Variants in HSD11B1 observed in about 807,000 individuals in gnomAD.
The protein encoded by HSD11B1 is 11-beta-hydroxysteroid dehydrogenase 1.
A neutral mutation model predicts 22.1 loss-of-function variants in HSD11B1; 15 were observed. That is an observed-to-expected ratio of 0.68 (90% confidence interval 0.45 to 1.04). The LOEUF is 1.04. Among genes scored for constraint, HSD11B1 ranks in the 50% least tolerant of loss-of-function variants. The pLI is 0.00. For missense variants in HSD11B1, 281 were observed against 357.6 expected (o/e 0.79, Z 1.73); for synonymous variants, 122 against 125.2 (o/e 0.97, Z 0.17).
At chr1:209,707,241 T>C in intron 4 of HSD11B1, 113 bp downstream of exon 4, 6 of 912,418 alleles carry the variant, frequency 6.6e-6, no homozygotes, top group Non-Finnish European at 1.1e-5. Context: ...AGAGAAGTAA[T>C]GAGGGATTGG....
chr1:209,717,527 G>C (rs2076937366), intron 4 of HSD11B1, among the ~76,000 whole-genome samples: 2 of 152,144 alleles, frequency 1.3e-5, no homozygotes, highest in Non-Finnish European at 2.9e-5. Context: ...ACTATCATAT[G>C]ATCCAGCAAT....
intron 1 of HSD11B1, among the ~76,000 whole-genome samples, chr1:209,697,884 C>CTTTTTTTTCTTTTTTTT (rs2076800645): frequency 2.4e-5 from 1 of 41,586 alleles, no homozygotes; most frequent in Non-Finnish European, 4.5e-5. Flanking sequence ...TTGTTTTTTC[C>CTTTTTTTTCTTTTTTTT]TTTTTTTTTT....
intron 5 of HSD11B1, 76 bp from the exon 6 acceptor site, chr1:209,734,228 G>C (rs2077053144): frequency 1.7e-6 from 2 of 1,145,506 alleles, no homozygotes; most frequent in Non-Finnish European, 2.6e-6. Flanking sequence ...ACAGCTAAGT[G>C]GTTGATGTCT....
rs534170161 is a variant in HSD11B1 at position 209,710,201 on chromosome 1, A to T, written c.517+3073A>T. ...AAACATCTGGAAAAAAGTTTATCTGACATTAGTCAAAATAGGTCATCTTAG... is the reference window on the plus strand; with the variant it reads ...AAACATCTGGAAAAAAGTTTATCTGTCATTAGTCAAAATAGGTCATCTTAG... On this transcript the variant is annotated intron_variant, in intron 4 of 5. Coordinates refer to ENST00000367027, the MANE Select transcript of HSD11B1 (RefSeq NM_005525.4). 2.6e-5 allele frequency among the ~76,000 whole-genome samples: 4 copies of T among 152,350 alleles called. No individual in the cohort carries two copies. The South Asian group carries it at 8.3e-4, about 32-fold the overall frequency.
intron 1 of HSD11B1, among the ~76,000 whole-genome samples, chr1:209,690,112 T>C (rs545048539): frequency 1.7e-3 from 257 of 152,084 alleles, no homozygotes; most frequent in African/African-American, 5.9e-3. Context: ...ACCCAGGAGT[T>C]CAAGACCAGC....
upstream of HSD11B1, among the ~76,000 whole-genome samples, chr1:209,700,584 C>T (rs1175226690): frequency 6.6e-6 from 1 of 152,210 alleles, no homozygotes; most frequent in Non-Finnish European, 1.5e-5. Flanking sequence ...ACATTTTCCT[C>T]ATGGTTTTGG....
At chr1:209,734,187 C>A in intron 5 of HSD11B1, 117 bp from the exon 6 acceptor site, 1 of 766,682 alleles carries the variant, frequency 1.3e-6, no homozygotes, top group Non-Finnish European at 2.2e-6. Flanking sequence ...GCCTGTGAGG[C>A]TTGCAGAGCA....
intron 4 of HSD11B1, among the ~76,000 whole-genome samples, chr1:209,709,937 AACACACACAC>A (rs71143893): frequency 0.18 from 25,668 of 143,802 alleles, 2,151 homozygotes; most frequent in East Asian, 0.22. Context: ...CCACATGTGA[AACACACACAC>A]ACACACACAC....
chr1:209,710,041 G>T (rs1166626401), intron 4 of HSD11B1, among the ~76,000 whole-genome samples: 1 of 152,016 alleles, frequency 6.6e-6, no homozygotes, highest in Non-Finnish European at 1.5e-5. Context: ...CCGGCAGTGC[G>T]TGCAGGGGAC....
intron 4 of HSD11B1, among the ~76,000 whole-genome samples, chr1:209,731,023 T>C (rs1571888433): frequency 1.3e-5 from 2 of 152,210 alleles, no homozygotes; most frequent in African/African-American, 2.4e-5. Context: ...ATCAGTGCCA[T>C]ATCTGGGATA....
chr1:209,730,693 ATT>A (rs1052649052), intron 4 of HSD11B1, among the ~76,000 whole-genome samples: 2 of 152,306 alleles, frequency 1.3e-5, no homozygotes, highest in African/African-American at 4.8e-5. Context: ...CAAAGAGTTA[ATT>A]TTTTCCAATA....
intron 5 of HSD11B1, among the ~76,000 whole-genome samples, chr1:209,733,736 TAGAG>T (rs1365201517): frequency 2.0e-5 from 3 of 150,952 alleles, no homozygotes; most frequent in Non-Finnish European, 4.4e-5. Flanking sequence ...GTTAGAGAAA[TAGAG>T]AGAGAGACCG....
chr1:209,686,806 C>T (rs555620543), intron 1 of HSD11B1, among the ~76,000 whole-genome samples: 1 of 152,172 alleles, frequency 6.6e-6, no homozygotes, highest in African/African-American at 2.4e-5. Context: ...ACATTTAGAT[C>T]TAGAGTGTTG....
At chr1:209,686,189 C>T (rs2076727484), upstream of HSD11B1, 1 of 150,960 alleles carries the variant, frequency 6.6e-6, no homozygotes, top group Admixed American at 6.6e-5. Context: ...AGAGATGAAA[C>T]AGAAGGAAAG....
chr1:209,709,745 T>G (rs2076882559), intron 4 of HSD11B1, among the ~76,000 whole-genome samples: 1 of 152,202 alleles, frequency 6.6e-6, no homozygotes. Context: ...GTGTACACTT[T>G]TCTTCTGCCA....
rs181861301 is a variant in HSD11B1, at chr1:209,734,195, G to A, written c.662-109G>A. The A allele has an allele frequency of 7.8e-5, 64 of 821,374 alleles. No homozygotes were observed. In the East Asian group the frequency reaches 1.7e-3, roughly 22 times the overall value. 50.9% of individuals were successfully genotyped at this position (821,374 alleles called of 1,614,324 possible). ...CTATAGTGCCTGTGAGGCTTGCAGA[G>A]CAAACACTGCCAAAAGCCCCTGACA... is the stretch of plus-strand genomic sequence containing the variant. On this transcript the variant is annotated intron_variant, in intron 5 of 5. Transcript: ENST00000367027.
At chr1:209,732,406 A>G (rs1398086238) in intron 4 of HSD11B1, 30 bp from the exon 5 acceptor site, 1 of 1,613,664 alleles carries the variant, frequency 6.2e-7, no homozygotes, top group Non-Finnish European at 8.5e-7. Flanking sequence ...GGGCAGCCTT[A>G]TTAACCCATT....
intron 5 of HSD11B1, 85 bp from the exon 6 acceptor site, chr1:209,734,219 C>A: frequency 1.9e-6 from 2 of 1,043,272 alleles, no homozygotes; most frequent in Non-Finnish European, 2.9e-6. Flanking sequence ...AAGCCCCTGA[C>A]AGCTAAGTGG....
chr1:209,697,106 C>G (rs1212856388), intron 1 of HSD11B1, among the ~76,000 whole-genome samples: 1 of 152,248 alleles, frequency 6.6e-6, no homozygotes, highest in South Asian at 2.1e-4. Flanking sequence ...AGTGGGCATT[C>G]ATGGCCCTCA....
Sources: gnomAD v4.1 joint callset for allele counts (sites outside exome capture counted in the v4.1 genomes callset) on GRCh38, gnomAD v4.1.1 for gene constraint, MANE v1.5 for transcripts, NCBI Gene and HGNC (gene_info 2026-07-23, HGNC 2026-07-21) for gene names.